Variants in RIMS2 observed in about 807,000 individuals in gnomAD.
The protein encoded by RIMS2 is regulating synaptic membrane exocytosis protein 2.
In RIMS2, 59 loss-of-function variants were observed where a neutral mutation model predicts 174.4. The ratio of observed to expected loss-of-function variants is 0.34; its 90% confidence interval spans 0.27 to 0.42. The LOEUF is 0.42. Among genes scored for constraint, RIMS2 ranks in the 10% least tolerant of loss-of-function variants. The pLI is 1.00. For synonymous variants in RIMS2, 606 were observed against 572.5 expected (o/e 1.06, Z -0.84); for missense variants, 1,620 against 1,666.3 (o/e 0.97, Z 0.48).
At chr8:103,528,023 T>C (rs1297242951) in intron 1 of RIMS2, among the ~76,000 whole-genome samples, 16 of 152,150 alleles carry the variant, frequency 1.1e-4, no homozygotes, top group Admixed American at 9.2e-4. Context: ...TAAAAGTGTT[T>C]CTATTTCTCC....
chr8:104,168,404 A>C (rs946500074), intron 19 of RIMS2, among the ~76,000 whole-genome samples: 1 of 151,856 alleles, frequency 6.6e-6, no homozygotes, highest in East Asian at 1.9e-4. Context: ...ATTCCTAAGT[A>C]TTTTATTTTC....
chr8:103,723,897 C>T (rs535139315), intron 2 of RIMS2, among the ~76,000 whole-genome samples: 11 of 152,146 alleles, frequency 7.2e-5, no homozygotes, highest in Admixed American at 2.0e-4. Context: ...AGTTCACTGT[C>T]GGGGAGCCTG....
chr8:104,025,342 C>T (rs964996298), intron 19 of RIMS2, among the ~76,000 whole-genome samples: 2 of 152,018 alleles, frequency 1.3e-5, no homozygotes, highest in Non-Finnish European at 2.9e-5. Context: ...TTAAAAATTA[C>T]GCAGGCATAG....
chr8:103,686,070 T>C (rs889919328), intron 1 of RIMS2, among the ~76,000 whole-genome samples: 3 of 152,170 alleles, frequency 2.0e-5, no homozygotes, highest in Non-Finnish European at 4.4e-5. Flanking sequence ...TGAATCTTTT[T>C]TCTTTTTTTA....
At chr8:103,595,462 G>C (rs1355704909) in intron 1 of RIMS2, among the ~76,000 whole-genome samples, 2 of 151,798 alleles carry the variant, frequency 1.3e-5, no homozygotes, top group Non-Finnish European at 2.9e-5. Context: ...ATAATTGGCT[G>C]TGGGGCCCTG....
At chr8:104,247,255 G>C (rs188820357) in intron 20 of RIMS2, among the ~76,000 whole-genome samples, 1 of 152,288 alleles carries the variant, frequency 6.6e-6, no homozygotes, top group Non-Finnish European at 1.5e-5. Context: ...TAAAAAGCAG[G>C]AATCTATTTT....
chr8:103,730,369 A>G (rs28872263), intron 2 of RIMS2, among the ~76,000 whole-genome samples: 1,765 of 152,062 alleles, frequency 0.012, 33 homozygotes, highest in African/African-American at 0.039. Context: ...CAATTGTTAT[A>G]TTCTTTTGCT....
chr8:103,716,002 T>C (rs1376931705), intron 2 of RIMS2, among the ~76,000 whole-genome samples: 1 of 152,088 alleles, frequency 6.6e-6, no homozygotes, highest in African/African-American at 2.4e-5. Flanking sequence ...ATTCTTTTTT[T>C]CCCAATGTTT....
chr8:103,609,657 G>C (rs1183688709), intron 1 of RIMS2, among the ~76,000 whole-genome samples: 1 of 152,172 alleles, frequency 6.6e-6, no homozygotes, highest in East Asian at 1.9e-4. Flanking sequence ...AGATCAGATG[G>C]TTGTAGGTGT....
rs147465603 is a variant in RIMS2, at chr8:103,728,703, G to A, written c.387+31407G>A. On this transcript the variant is annotated intron_variant, in intron 2 of 23. Coordinates refer to ENST00000504942, the Ensembl canonical transcript of RIMS2. ...TTCCCTGTACAGTGTTATACTCAATGTAGGCCTGTCCCTATGGCTTTTATT... is the reference window on the plus strand; with the variant it reads ...TTCCCTGTACAGTGTTATACTCAATATAGGCCTGTCCCTATGGCTTTTATT... 6.0e-3 allele frequency among the ~76,000 whole-genome samples: 841 copies of A among 140,634 alleles called. 6 individuals are homozygous for A. Among genetic ancestry groups the A allele is most frequent in the Middle Eastern group, 0.028 (7 of 252 alleles). 92.3% of individuals were successfully genotyped at this position (140,634 alleles called of 152,430 possible).
At chr8:103,873,665 A>T (rs576216134) in intron 3 of RIMS2, among the ~76,000 whole-genome samples, 1 of 152,132 alleles carries the variant, frequency 6.6e-6, no homozygotes, top group African/African-American at 2.4e-5. Flanking sequence ...TGTGATATTA[A>T]ATATGCAATA....
chr8:103,609,587 T>A (rs1014207880), intron 1 of RIMS2, among the ~76,000 whole-genome samples: 4 of 152,196 alleles, frequency 2.6e-5, no homozygotes, highest in Non-Finnish European at 5.9e-5. Flanking sequence ...TAGTCAGTTA[T>A]CCCAGCACTC....
At chr8:103,881,962 G>A (rs1158882087) in intron 3 of RIMS2, among the ~76,000 whole-genome samples, 1 of 151,342 alleles carries the variant, frequency 6.6e-6, no homozygotes, top group African/African-American at 2.4e-5. Flanking sequence ...ACTATATGAT[G>A]CCACAAATAC....
chr8:103,823,016 A>G (rs1019437119), intron 3 of RIMS2, among the ~76,000 whole-genome samples: 1 of 151,976 alleles, frequency 6.6e-6, no homozygotes, highest in Non-Finnish European at 1.5e-5. Context: ...TCAAATAAAC[A>G]TGCTAATGAT....
intron 3 of RIMS2, among the ~76,000 whole-genome samples, chr8:103,836,934 T>C (rs917529435): frequency 6.6e-6 from 1 of 152,228 alleles, no homozygotes; most frequent in Non-Finnish European, 1.5e-5. Context: ...AGTTTGATAG[T>C]ACAGTGCAAA....
At chr8:103,557,583 A>G (rs2090724234) in intron 1 of RIMS2, among the ~76,000 whole-genome samples, 1 of 152,220 alleles carries the variant, frequency 6.6e-6, no homozygotes, top group East Asian at 1.9e-4. Context: ...GGACACTACA[A>G]TGAATGAAAC....
chr8:103,885,644 T>C, exon 4 of RIMS2: 1 of 1,612,958 alleles, frequency 6.2e-7, no homozygotes, highest in Non-Finnish European at 8.5e-7. Flanking sequence ...GCCACAACCC[T>C]ATGAAGAACA....
intron 2 of RIMS2, among the ~76,000 whole-genome samples, chr8:103,760,582 T>G (rs2098099951): frequency 6.6e-6 from 1 of 152,216 alleles, no homozygotes; most frequent in South Asian, 2.1e-4. Flanking sequence ...ATCATGGGAA[T>G]GCTTTAGGGT....
chr8:104,063,660 T>G (rs1295776565), intron 19 of RIMS2, among the ~76,000 whole-genome samples: 2 of 152,228 alleles, frequency 1.3e-5, no homozygotes, highest in Non-Finnish European at 1.5e-5. Context: ...TTCTTGAGTT[T>G]GCATATTGGG....
Sources: gnomAD v4.1 joint callset for allele counts (sites outside exome capture counted in the v4.1 genomes callset) on GRCh38, gnomAD v4.1.1 for gene constraint, MANE v1.5 for transcripts, NCBI Gene and HGNC (gene_info 2026-07-23, HGNC 2026-07-21) for gene names.